Variants in CPPED1 observed in about 807,000 individuals in gnomAD.
CPPED1 encodes calcineurin like phosphoesterase domain containing 1.
Under a neutral mutation model 28.0 loss-of-function variants are expected in CPPED1, and 28 were observed. The observed-to-expected ratio is 1.00, with a 90% CI of 0.74 to 1.37. The LOEUF (loss-of-function observed/expected upper bound fraction) is 1.37, where lower values mean the gene tolerates loss of function less well. Among genes scored for constraint, CPPED1 ranks in the 40% most tolerant of loss-of-function variants. The pLI is 0.00. For synonymous variants in CPPED1, 198 were observed against 180.2 expected, an observed-to-expected ratio of 1.10 and a Z score of -0.79; for missense variants, 504 against 416.5, an observed-to-expected ratio of 1.21 and a Z score of -1.83.
intron 2 of CPPED1, among the ~76,000 whole-genome samples, chr16:12,745,086 C>A (rs1030918143): frequency 6.6e-6 from 1 of 152,082 alleles, no homozygotes; most frequent in Non-Finnish European, 1.5e-5. Flanking sequence ...GGAAAAGAGA[C>A]AAAAACAGTA....
At chr16:12,786,105 C>A (rs1394951044) in intron 1 of CPPED1, among the ~76,000 whole-genome samples, 1 of 152,184 alleles carries the variant, frequency 6.6e-6, no homozygotes, top group Non-Finnish European at 1.5e-5. Flanking sequence ...TGAGGGTTAC[C>A]TGACAGCAGA....
At chr16:12,774,880 G>C (rs564842237) in intron 2 of CPPED1, among the ~76,000 whole-genome samples, 1 of 152,286 alleles carries the variant, frequency 6.6e-6, no homozygotes, top group African/African-American at 2.4e-5. Context: ...GGAGTGCAGT[G>C]GCATGATCAC....
chr16:12,779,516 G>C (rs571742826), intron 2 of CPPED1, among the ~76,000 whole-genome samples: 2 of 152,046 alleles, frequency 1.3e-5, no homozygotes, highest in East Asian at 3.9e-4. Flanking sequence ...AGCCTCCCAA[G>C]TAGCTGGGGT....
intron 1 of CPPED1, among the ~76,000 whole-genome samples, chr16:12,790,025 G>C (rs1405182386): frequency 1.3e-5 from 2 of 152,110 alleles, no homozygotes; most frequent in Non-Finnish European, 2.9e-5. Context: ...AGTGAATTTT[G>C]GGTAATATCA....
chr16:12,770,462 G>C (rs1342611103), intron 2 of CPPED1, among the ~76,000 whole-genome samples: 5 of 152,170 alleles, frequency 3.3e-5, no homozygotes, highest in Non-Finnish European at 5.9e-5. Context: ...AGGTTTTCTA[G>C]ACAGATGGAA....
intron 2 of CPPED1, among the ~76,000 whole-genome samples, chr16:12,750,114 T>A (rs2141217568): frequency 6.6e-6 from 1 of 152,358 alleles, no homozygotes; most frequent in Non-Finnish European, 1.5e-5. Flanking sequence ...GCTGGTTTGA[T>A]CTTCCATCCC....
Position 12,678,617 on chromosome 16 carries a change from C to T in CPPED1, c.716-13502G>A, listed in dbSNP as rs145374378. On this transcript the variant is annotated intron_variant, in intron 3 of 3. Transcript: ENST00000381774. ...AGGTAGAGGTCTTGGACATCCTTTG[C>T]TATTCCTAGGTATTTCATGTTTTAT... Among the ~76,000 whole-genome samples the T allele has an allele frequency of 3.0e-3, 455 of 152,248 alleles. 4 individuals carry two copies. Among genetic ancestry groups the T allele is most frequent in the African/African-American group, 0.01 (436 of 41,548 alleles).
intron 3 of CPPED1, among the ~76,000 whole-genome samples, chr16:12,678,304 T>C (rs1426771654): frequency 6.6e-6 from 1 of 152,246 alleles, no homozygotes; most frequent in Non-Finnish European, 1.5e-5. Flanking sequence ...AAGAGACTTC[T>C]ATATCTACTT....
intron 2 of CPPED1, among the ~76,000 whole-genome samples, chr16:12,739,727 G>A (rs2080244594): frequency 6.6e-6 from 1 of 152,090 alleles, no homozygotes; most frequent in South Asian, 2.1e-4. Flanking sequence ...AACATGGTTC[G>A]CAGCCTCCTC....
chr16:12,800,750 C>T (rs11866499), intron 1 of CPPED1, among the ~76,000 whole-genome samples: 6,203 of 152,224 alleles, frequency 0.041, 297 homozygotes, highest in East Asian at 0.11. Flanking sequence ...TCAGAGACTT[C>T]CTTCAGCCCT....
chr16:12,703,396 T>G (rs934846686), intron 3 of CPPED1, among the ~76,000 whole-genome samples: 14 of 152,324 alleles, frequency 9.2e-5, no homozygotes, highest in African/African-American at 3.1e-4. Flanking sequence ...GAGGAGAACT[T>G]AATCCACCTC....
intron 2 of CPPED1, among the ~76,000 whole-genome samples, chr16:12,731,758 G>A (rs2080199048): frequency 1.3e-5 from 2 of 150,860 alleles, no homozygotes; most frequent in Admixed American, 1.3e-4. Context: ...TTAAATGGAA[G>A]CAGGCAGCCA....
At position 12,663,616 on chromosome 16, in the gene CPPED1, A is replaced by T. The variant is rs190485995; in HGVS notation, c.*1270T>A. ...ACATATTTAATTATCTTTCCATTTA[A>T]TTTCCCATGGTTTTGCTACGTTGAC... On this transcript the variant is annotated 3_prime_UTR_variant, in exon 4 of 4. Transcript: ENST00000381774. The T allele has an allele frequency of 6.6e-6, 1 of 152,234 alleles. No homozygotes were observed. The highest frequency in any genetic ancestry group is 2.4e-5 in the African/African-American group (1 of 41,538). The allele number at this position is 152,234 out of a possible 1,614,324, so 9.4% of individuals were successfully genotyped here.
chr16:12,729,882 A>G (rs2080188574), intron 2 of CPPED1, among the ~76,000 whole-genome samples: 3 of 152,152 alleles, frequency 2.0e-5, no homozygotes, highest in African/African-American at 7.2e-5. Context: ...TTCTTTTGAG[A>G]TGGGAGTCTC....
intron 3 of CPPED1, among the ~76,000 whole-genome samples, chr16:12,668,679 A>C (rs1007712285): frequency 2.0e-5 from 3 of 152,260 alleles, no homozygotes; most frequent in African/African-American, 4.8e-5. Flanking sequence ...AAGGATTTTA[A>C]CAGACATTTC....
Position 12,662,315 on chromosome 16 carries a change from T to C in CPPED1, c.*2571A>G, listed in dbSNP as rs2079799522. ...TTTCCTGACTTCTTGCTGAACCTCT[T>C]GCCTCTGGGAAATACTGCTGTTTGC... On this transcript the variant is annotated 3_prime_UTR_variant, in exon 4 of 4. Transcript: ENST00000381774. 1 of 152,218 alleles carries C rather than the reference T, an allele frequency of 6.6e-6. No individual in the cohort carries two copies. Among genetic ancestry groups the C allele is most frequent in the Non-Finnish European group, 1.5e-5 (1 of 68,036 alleles). 9.4% of individuals were successfully genotyped at this position (152,218 alleles called of 1,614,324 possible).
intron 2 of CPPED1, among the ~76,000 whole-genome samples, chr16:12,737,370 G>A (rs745765456): frequency 7.9e-5 from 12 of 152,024 alleles, no homozygotes; most frequent in Non-Finnish European, 1.2e-4. Context: ...GTAGGAAGAG[G>A]GAACAGAATG....
chr16:12,735,874 G>C (rs562837052), intron 2 of CPPED1, among the ~76,000 whole-genome samples: 2 of 152,330 alleles, frequency 1.3e-5, no homozygotes, highest in East Asian at 3.9e-4. Context: ...AGACTAAAAA[G>C]AGGCCTGCAT....
chr16:12,665,171 G>C (rs2079818993), intron 3 of CPPED1, 56 bp from the exon 4 acceptor site: 1 of 1,506,460 alleles, frequency 6.6e-7, no homozygotes, highest in East Asian at 2.4e-5. Flanking sequence ...AGGTAACCTA[G>C]GGTCTCCAGC....
Sources: allele counts gnomAD v4.1 joint callset (sites outside exome capture counted in the v4.1 genomes callset), GRCh38; gene constraint gnomAD v4.1.1; transcripts MANE v1.5; gene names NCBI Gene and HGNC (gene_info 2026-07-23, HGNC 2026-07-21).